Variants in ERLIN1 observed in about 807,000 individuals in gnomAD.
The protein encoded by ERLIN1 is erlin-1.
In ERLIN1, 24 loss-of-function variants were observed where a neutral mutation model predicts 46.9. That is an observed-to-expected ratio of 0.51 (90% CI 0.37 to 0.72). The LOEUF (loss-of-function observed/expected upper bound fraction) is 0.72, where lower values mean the gene tolerates loss of function less well. Among genes scored for constraint, ERLIN1 ranks in the 30% least tolerant of loss-of-function variants. The probability of loss-of-function intolerance (pLI) is 0.00; values close to 1 mark genes in which losing one functional copy is unlikely to be tolerated. For synonymous variants in ERLIN1, 158 were observed against 143.2 expected, an observed-to-expected ratio of 1.10 and a Z score of -0.74; for missense variants, 293 against 417.9, an observed-to-expected ratio of 0.70 and a Z score of 2.61.
chr10:100,176,482 T>G (rs528484467), intron 4 of ERLIN1, among the ~76,000 whole-genome samples: 45 of 152,164 alleles, frequency 3.0e-4, no homozygotes, highest in African/African-American at 9.6e-4. Flanking sequence ...ACTGCAAAAG[T>G]TTAGCTAAGA....
In ERLIN1 at chr10:100,178,130, T is replaced by C. The variant is rs1156578586; in HGVS notation, c.304+3A>G. 6.4e-7 allele frequency: 1 copy of C among 1,564,992 alleles called. No homozygotes were observed. The highest frequency in any genetic ancestry group is 1.4e-5 in the African/African-American group (1 of 73,886). On this transcript the variant is annotated splice_donor_region_variant and intron_variant, in intron 4 of 10. Coordinates refer to ENST00000421367, the MANE Select transcript of ERLIN1 (RefSeq NM_006459.4). ...AAAAACCACAGGTAGATGGGTAACATACCTGCATAAGGAGCCAACATATTA... is the reference window on the plus strand; with the variant it reads ...AAAAACCACAGGTAGATGGGTAACACACCTGCATAAGGAGCCAACATATTA...
In ERLIN1 at chr10:100,162,042, G is replaced by C. The variant is rs535481542; in HGVS notation, c.655+1962C>G. On this transcript the variant is annotated intron_variant, in intron 8 of 10. Transcript: ENST00000421367. ...GAAAAGCACAAAACATAAAGGAAAA[G>C]ACTAATGAATTTGTCTACACAAAAA... is the stretch of plus-strand genomic sequence containing the variant. 1.1e-3 allele frequency among the ~76,000 whole-genome samples: 166 copies of C among 152,128 alleles called. 1 individual carries two copies. Among genetic ancestry groups the C allele is most frequent in the Non-Finnish European group, 3.4e-4 (23 of 67,958 alleles).
rs776968665 is a variant in ERLIN1 at position 100,154,887 on chromosome 10, A to G, written c.798T>C (p.Ala266=). Residue 266 remains alanine (A), a synonymous_variant, in exon 10 of 11, where the codon GCT becomes GCC. Coordinates refer to ENST00000421367, the MANE Select transcript of ERLIN1 (RefSeq NM_006459.4). ...EKAKADAEYY[A]AHKYATSNKH... is the part of the protein sequence containing the mutation. ...TGTTTGAGGTGGCATATTTGTGTGCAGCATAATATTCAGCATCTGCTTTCG... is the reference window on the plus strand; with the variant it reads ...TGTTTGAGGTGGCATATTTGTGTGCGGCATAATATTCAGCATCTGCTTTCG... The G allele has an allele frequency of 6.2e-7, 1 of 1,614,002 alleles. No homozygotes were observed. Among genetic ancestry groups the G allele is most frequent in the East Asian group, 2.2e-5 (1 of 44,878 alleles).
chr10:100,180,642 A>T (rs1041045214), intron 2 of ERLIN1, among the ~76,000 whole-genome samples: 1 of 152,230 alleles, frequency 6.6e-6, no homozygotes, highest in African/African-American at 2.4e-5. Context: ...CCTGGAGCAG[A>T]AGGGACAATT....
chr10:100,156,017 G>C, intron 9 of ERLIN1, 128 bp downstream of exon 9: 1 of 581,430 alleles, frequency 1.7e-6, no homozygotes, highest in Non-Finnish European at 3.1e-6. Flanking sequence ...TATCAGGCCA[G>C]CTATTTCCTC....
At chr10:100,170,586 G>A (rs1161084481) in intron 6 of ERLIN1, among the ~76,000 whole-genome samples, 2 of 152,208 alleles carry the variant, frequency 1.3e-5, no homozygotes, top group Admixed American at 6.5e-5. Flanking sequence ...CACATGTCAA[G>A]GTTAGAGTTG....
At position 100,152,307 on chromosome 10, in the gene ERLIN1, T is replaced by C. The variant is rs2862954; in HGVS notation, c.871A>G (p.Ile291Val). ...EYLELKKYQA[I>V]ASNSKIYFGS... Reference sequence around the variant, plus strand: ...AAATAGATCTTACTGTTAGAAGCAATGGCCTGGTACTTTTTGAGCTCCAGA... The same window carrying C: ...AAATAGATCTTACTGTTAGAAGCAACGGCCTGGTACTTTTTGAGCTCCAGA... The change falls in exon 11 of 11, where the codon ATT becomes GTT. Residue 291 changes from isoleucine (I) to valine (V), a missense_variant. Transcript: ENST00000421367. 680,405 of 1,611,308 alleles carry C rather than the reference T, an allele frequency of 0.42. 158,534 individuals are homozygous for C. Among genetic ancestry groups the C allele is most frequent in the Non-Finnish European group, 0.49 (579,107 of 1,177,450 alleles).
intron 7 of ERLIN1, among the ~76,000 whole-genome samples, chr10:100,165,715 T>A (rs557152951): frequency 1.2e-4 from 19 of 152,032 alleles, no homozygotes; most frequent in Non-Finnish European, 2.4e-4. Flanking sequence ...GCCTAAGACA[T>A]GCTGACAGTT....
chr10:100,180,392 A>T (rs1440728919), intron 2 of ERLIN1, among the ~76,000 whole-genome samples: 1 of 152,222 alleles, frequency 6.6e-6, no homozygotes. Flanking sequence ...GTACAAAACA[A>T]AACAAAACAA....
At chr10:100,183,980 A>G (rs1844813447) in intron 1 of ERLIN1, 143 bp from the exon 2 acceptor site, 1 of 612,974 alleles carries the variant, frequency 1.6e-6, no homozygotes, top group Non-Finnish European at 2.9e-6. Flanking sequence ...ATAATGAACA[A>G]CTGCTTAAAA....
rs1457691704 is a variant in ERLIN1, at chr10:100,185,823, G to A, written c.-197C>T. The stretch of plus-strand genomic sequence containing the variant: ...CCCCTTGCCAACTCCTCCGCCCCCG[G>A]AGGCCAGTGGGCCGCCCCTGCTCGG... On this transcript the variant is annotated 5_prime_UTR_variant, in exon 1 of 11. Coordinates refer to ENST00000421367, the MANE Select transcript of ERLIN1 (RefSeq NM_006459.4). 8.5e-6 allele frequency: 5 copies of A among 589,218 alleles called. No individual in the cohort carries two copies. Among genetic ancestry groups the A allele is most frequent in the Non-Finnish European group, 1.5e-5 (5 of 330,120 alleles). 36.5% of individuals were successfully genotyped at this position (589,218 alleles called of 1,614,324 possible).
Position 100,185,524 on chromosome 10 carries a change from C to A in ERLIN1, c.103G>T (p.Val35Leu). ...IHKIEEGHLA[V>L]YYRGGALLTS... ...GCACATGCCGCTCACCTGTAGTACA[C>A]AGCCAGATGGCCCTCCTCAATCTTG... The change falls in exon 1 of 11, where the codon GTG becomes TTG. Residue 35 changes from valine to leucine, a missense_variant. Val to Leu is a conservative substitution (Grantham distance 32). This residue lies in a region of ERLIN1 where 76 missense variants were observed against 77.0 expected (regional missense o/e 0.99). Transcript: ENST00000421367. The A allele has an allele frequency of 6.2e-7, 1 of 1,612,916 alleles. No homozygotes were observed.
At chr10:100,155,452 ATT>A (rs1564797062) in intron 9 of ERLIN1, among the ~76,000 whole-genome samples, 1 of 149,008 alleles carries the variant, frequency 6.7e-6, no homozygotes. Flanking sequence ...CCCCCAATTA[ATT>A]TTGTTTTTTT....
chr10:100,179,288 A>T (rs1033950552), intron 2 of ERLIN1, 41 bp from the exon 3 acceptor site: 1 of 1,470,870 alleles, frequency 6.8e-7, no homozygotes, highest in African/African-American at 1.4e-5. Context: ...CAAGACACAC[A>T]TTGTCAAAAA....
chr10:100,165,471 T>C (rs984813171), intron 7 of ERLIN1, among the ~76,000 whole-genome samples: 2 of 151,164 alleles, frequency 1.3e-5, no homozygotes, highest in Non-Finnish European at 3.0e-5. Flanking sequence ...ACTGCAAGCT[T>C]CGCCTCCTGA....
At chr10:100,172,279 T>C (rs943369062) in intron 6 of ERLIN1, among the ~76,000 whole-genome samples, 8 of 152,248 alleles carry the variant, frequency 5.3e-5, no homozygotes, top group African/African-American at 1.9e-4. Context: ...TAGTTGAGCA[T>C]GTATGCATTT....
chr10:100,174,790 AAG>A (rs140430771), intron 5 of ERLIN1, among the ~76,000 whole-genome samples: 19 of 150,530 alleles, frequency 1.3e-4, no homozygotes, highest in African/African-American at 1.5e-4. Flanking sequence ...TTTGGATTTA[AAG>A]AGAGAGAGAG....
chr10:100,185,459 T>A, intron 1 of ERLIN1, 55 bp downstream of exon 1: 1 of 1,357,484 alleles, frequency 7.4e-7, no homozygotes, highest in Non-Finnish European at 1.1e-6. Flanking sequence ...GACTCCACTC[T>A]GGAGTACCCT....
Position 100,185,643 on chromosome 10 carries a change from A to C in ERLIN1, c.-17T>G. 2 of 1,607,864 alleles carry C rather than the reference A, an allele frequency of 1.2e-6. No homozygotes were observed. The highest frequency in any genetic ancestry group is 2.2e-5 in the East Asian group (1 of 44,846). On this transcript the variant is annotated 5_prime_UTR_variant, in exon 1 of 11. Coordinates refer to ENST00000421367, the MANE Select transcript of ERLIN1 (RefSeq NM_006459.4). ...CATATTCATTCTCGTTCCTCCTGGG[A>C]GCGGGAGAAAAGGACCCTCAGTCCC...
Sources: gnomAD v4.1 joint callset for allele counts (sites outside exome capture counted in the v4.1 genomes callset) on GRCh38, gnomAD v4.1.1 for gene constraint, gnomAD v4.1.1 regional missense constraint, MANE v1.5 for transcripts, NCBI Gene and HGNC (gene_info 2026-07-23, HGNC 2026-07-21) for gene names.